The following SLC24A2 variants were observed in gnomAD, a reference collection of about 807,000 sequenced individuals.
SLC24A2 encodes solute carrier family 24 member 2.
A neutral mutation model predicts 62.0 loss-of-function variants in SLC24A2; 36 were observed. That is an observed-to-expected ratio of 0.58 (90% confidence interval 0.44 to 0.77). The LOEUF (loss-of-function observed/expected upper bound fraction) is 0.77, where lower values mean the gene tolerates loss of function less well. Ranked by LOEUF, SLC24A2 falls within the 30% of genes least tolerant of loss-of-function variation. The pLI is 0.00. For synonymous variants in SLC24A2, 358 were observed against 294.0 expected, an observed-to-expected ratio of 1.22 and a Z score of -2.23; for missense variants, 846 against 817.9, an observed-to-expected ratio of 1.03 and a Z score of -0.42.
chr9:20,222,660 A>G, the SLC24A2 span, among the ~76,000 whole-genome samples: 7 of 152,126 alleles, frequency 4.6e-5, no homozygotes, highest in Admixed American at 1.3e-4. Flanking sequence ...TCTCAGGAAT[A>G]TAAGAATAGT....
chr9:19,730,857 A>C (rs1434129196), intron 2 of SLC24A2, among the ~76,000 whole-genome samples: 2 of 149,836 alleles, frequency 1.3e-5, no homozygotes, highest in Non-Finnish European at 3.0e-5. Context: ...TCCTTTCTAC[A>C]CTTAAATCCT....
chr9:20,051,657 C>CTCTTTTTTTTTTTTTTTTTTTTTTTTTTT, the SLC24A2 span, among the ~76,000 whole-genome samples: 22 of 73,506 alleles, frequency 3.0e-4, 1 homozygote, highest in Admixed American at 1.0e-3. Flanking sequence ...TTTTCTTTCT[C>CTCTTTTTTTTTTTTTTTTTTTTTTTTTTT]TTTTTTTTTT....
At chr9:19,638,296 T>C (rs1818409526) in intron 2 of SLC24A2, among the ~76,000 whole-genome samples, 2 of 152,206 alleles carry the variant, frequency 1.3e-5, no homozygotes, top group African/African-American at 4.8e-5. Context: ...TTTCCTCCAT[T>C]TGAGCCCTAT....
At chr9:19,981,205 T>A in the SLC24A2 span, among the ~76,000 whole-genome samples, 1 of 152,238 alleles carries the variant, frequency 6.6e-6, no homozygotes, top group Admixed American at 6.5e-5. Flanking sequence ...TCCAAACAAC[T>A]TCACATATAT....
intron 2 of SLC24A2, among the ~76,000 whole-genome samples, chr9:19,754,205 C>A (rs1339243014): frequency 6.6e-6 from 1 of 152,144 alleles, no homozygotes; most frequent in South Asian, 2.1e-4. Context: ...AAGAAAGGAT[C>A]CGCCTGCAGC....
the SLC24A2 span, among the ~76,000 whole-genome samples, chr9:20,024,239 A>G: frequency 8.5e-5 from 13 of 152,314 alleles, no homozygotes; most frequent in African/African-American, 3.1e-4. Flanking sequence ...GATTTGGTTG[A>G]AAATCTTGGG....
the SLC24A2 span, among the ~76,000 whole-genome samples, chr9:20,007,369 G>A: frequency 6.6e-6 from 1 of 152,232 alleles, no homozygotes; most frequent in East Asian, 1.9e-4. Context: ...AAGGTGCATT[G>A]ATTAACTGGT....
chr9:20,187,925 A>C, the SLC24A2 span, among the ~76,000 whole-genome samples: 1 of 152,344 alleles, frequency 6.6e-6, no homozygotes, highest in East Asian at 1.9e-4. Context: ...CCGCTCATGA[A>C]AATGTGGAAA....
the SLC24A2 span, among the ~76,000 whole-genome samples, chr9:20,177,245 T>TA: frequency 1.6e-4 from 24 of 151,910 alleles, no homozygotes; most frequent in Admixed American, 3.9e-4. Flanking sequence ...CTTTCAAAAG[T>TA]AAAAAAAAGG....
chr9:19,738,068 G>A (rs1821562260), intron 2 of SLC24A2, among the ~76,000 whole-genome samples: 1 of 152,164 alleles, frequency 6.6e-6, no homozygotes, highest in Non-Finnish European at 1.5e-5. Context: ...CAGAATGCAA[G>A]ATGAGTGAGG....
At chr9:19,628,862 A>G (rs541813930) in intron 2 of SLC24A2, among the ~76,000 whole-genome samples, 2 of 152,358 alleles carry the variant, frequency 1.3e-5, no homozygotes, top group African/African-American at 4.8e-5. Flanking sequence ...AAGAAAGTTT[A>G]AGAATTTGTG....
the SLC24A2 span, among the ~76,000 whole-genome samples, chr9:19,984,811 G>C: frequency 0.48 from 72,810 of 151,938 alleles, 18,303 homozygotes; most frequent in Non-Finnish European, 0.55. Context: ...AAATGGTCCT[G>C]GGACAACTGG....
At chr9:19,558,462 G>A (rs893851184) in intron 7 of SLC24A2, among the ~76,000 whole-genome samples, 8 of 152,134 alleles carry the variant, frequency 5.3e-5, no homozygotes, top group Non-Finnish European at 1.0e-4. Flanking sequence ...GTGCACTATG[G>A]CCAAAATGAG....
At chr9:20,279,475 G>C in the SLC24A2 span, among the ~76,000 whole-genome samples, 4 of 152,176 alleles carry the variant, frequency 2.6e-5, no homozygotes, top group Non-Finnish European at 5.9e-5. Context: ...AGGATGCAGA[G>C]AGCTGAGATC....
At chr9:19,842,493 A>G in the SLC24A2 span, among the ~76,000 whole-genome samples, 2 of 152,334 alleles carry the variant, frequency 1.3e-5, no homozygotes, top group African/African-American at 2.4e-5. Flanking sequence ...CCCCATGGCC[A>G]GAATACATGG....
chr9:19,782,494 T>A (rs1360018501), intron 2 of SLC24A2, among the ~76,000 whole-genome samples: 1 of 152,218 alleles, frequency 6.6e-6, no homozygotes, highest in Non-Finnish European at 1.5e-5. Context: ...GAGTTAATGT[T>A]TGACCCATTT....
At chr9:20,116,431 A>G in the SLC24A2 span, among the ~76,000 whole-genome samples, 4 of 152,166 alleles carry the variant, frequency 2.6e-5, no homozygotes. Flanking sequence ...AAACAAGACC[A>G]GGTCCTATGT....
the SLC24A2 span, among the ~76,000 whole-genome samples, chr9:20,164,546 C>G: frequency 2.0e-5 from 3 of 150,090 alleles, no homozygotes; most frequent in Non-Finnish European, 4.5e-5. Flanking sequence ...GGACTGTAAA[C>G]TAGTTCAACC....
chr9:19,964,236 G>A, the SLC24A2 span, among the ~76,000 whole-genome samples: 1 of 113,250 alleles, frequency 8.8e-6, no homozygotes, highest in African/African-American at 3.4e-5. Context: ...GGGGGAGGGG[G>A]GAGGGATAGC....
Sources: gnomAD v4.1 joint callset for allele counts (sites outside exome capture counted in the v4.1 genomes callset) on GRCh38, gnomAD v4.1.1 for gene constraint, MANE v1.5 for transcripts, NCBI Gene and HGNC (gene_info 2026-07-23, HGNC 2026-07-21) for gene names.